The following SGCZ variants were observed in gnomAD, a reference collection of about 807,000 sequenced individuals.
The protein encoded by SGCZ is sarcoglycan zeta.
SGCZ carries 40 observed loss-of-function variants against 41.3 expected under a neutral mutation model. The ratio of observed to expected loss-of-function variants is 0.97; its 90% CI spans 0.75 to 1.26. SGCZ has a LOEUF of 1.26. SGCZ is among the 50% of genes most tolerant of loss of function. The pLI, the probability that SGCZ is intolerant of heterozygous loss-of-function variation, is 0.00. For synonymous variants in SGCZ, 206 were observed against 137.5 expected (o/e 1.50, Z -3.49); for missense variants, 552 against 369.8 (o/e 1.49, Z -4.04).
intron 1 of SGCZ, among the ~76,000 whole-genome samples, chr8:14,977,880 T>TACACAC (rs10562709): frequency 6.4e-4 from 96 of 149,638 alleles, no homozygotes; most frequent in South Asian, 2.1e-3. Context: ...AGAACAATTT[T>TACACAC]ACACACACAC....
intron 3 of SGCZ, among the ~76,000 whole-genome samples, chr8:14,310,069 C>T (rs1049754407): frequency 1.2e-4 from 18 of 152,106 alleles, no homozygotes; most frequent in African/African-American, 4.3e-4. Context: ...CCATTGTATG[C>T]AGGAGCATAT....
chr8:15,150,605 A>AAGTATGTTGG (rs1350549392), intron 1 of SGCZ, among the ~76,000 whole-genome samples: 1 of 152,194 alleles, frequency 6.6e-6, no homozygotes, highest in African/African-American at 2.4e-5. Context: ...TGAACTGAAC[A>AAGTATGTTGG]AGTATGTTGG....
intron 2 of SGCZ, among the ~76,000 whole-genome samples, chr8:14,483,266 T>C (rs936647601): frequency 1.3e-5 from 2 of 152,166 alleles, no homozygotes; most frequent in African/African-American, 4.8e-5. Context: ...CAGAAGGCAA[T>C]TGTAGAACAA....
At chr8:15,065,346 A>C (rs1008880334) in intron 1 of SGCZ, among the ~76,000 whole-genome samples, 5 of 151,976 alleles carry the variant, frequency 3.3e-5, no homozygotes, top group Non-Finnish European at 5.9e-5. Context: ...CCTCTGACCC[A>C]GGAGGCCTAG....
intron 1 of SGCZ, among the ~76,000 whole-genome samples, chr8:15,092,106 T>TA (rs1021546761): frequency 1.3e-5 from 2 of 152,216 alleles, no homozygotes; most frequent in African/African-American, 2.4e-5. Context: ...AACAGCTATA[T>TA]AAAAAAACAG....
chr8:14,747,313 G>A (rs961653805), intron 1 of SGCZ, among the ~76,000 whole-genome samples: 7 of 152,048 alleles, frequency 4.6e-5, no homozygotes, highest in African/African-American at 7.2e-5. Flanking sequence ...ACATCTAGCC[G>A]CCCTCAACAC....
chr8:14,407,508 T>C lies in SGCZ; in HGVS notation c.235-83304A>G, dbSNP rs571004158. ...TAGTTTCATAATCCTACCTATTATATGACATCTGTTTTAATTGTAAAAAAA... is the reference window on the plus strand; with the variant it reads ...TAGTTTCATAATCCTACCTATTATACGACATCTGTTTTAATTGTAAAAAAA... On this transcript the variant is annotated intron_variant, in intron 2 of 7. Transcript: ENST00000382080. 4.6e-5 allele frequency among the ~76,000 whole-genome samples: 7 copies of C among 152,252 alleles called. No individual in the cohort carries two copies. In the South Asian group the frequency reaches 1.2e-3, roughly 27 times the overall value.
intron 3 of SGCZ, among the ~76,000 whole-genome samples, chr8:14,304,102 G>T (rs911113949): frequency 3.9e-5 from 6 of 152,002 alleles, no homozygotes; most frequent in African/African-American, 1.2e-4. Flanking sequence ...AAGGAATGAT[G>T]AAATCATAAG....
intron 1 of SGCZ, among the ~76,000 whole-genome samples, chr8:14,574,487 A>G (rs1804650505): frequency 6.6e-6 from 1 of 152,236 alleles, no homozygotes; most frequent in South Asian, 2.1e-4. Flanking sequence ...GCCATGTACC[A>G]GGGAAGAAGA....
intron 5 of SGCZ, among the ~76,000 whole-genome samples, chr8:14,116,093 A>T (rs1802513437): frequency 6.6e-6 from 1 of 152,098 alleles, no homozygotes; most frequent in Non-Finnish European, 1.5e-5. Flanking sequence ...AATAAAAATC[A>T]GTAAAGAAAT....
At chr8:14,707,027 T>G in intron 1 of SGCZ, among the ~76,000 whole-genome samples, 1 of 151,914 alleles carries the variant, frequency 6.6e-6, no homozygotes, top group Non-Finnish European at 1.5e-5. Flanking sequence ...TTTAAAATCT[T>G]TTTTTTAAAA....
chr8:14,421,730 C>T (rs575007717), intron 2 of SGCZ, among the ~76,000 whole-genome samples: 64 of 152,148 alleles, frequency 4.2e-4, no homozygotes, highest in African/African-American at 1.4e-3. Flanking sequence ...TCATCCCAAG[C>T]GCTATCTTGT....
At chr8:15,045,731 A>T (rs1164155759) in intron 1 of SGCZ, among the ~76,000 whole-genome samples, 1 of 152,090 alleles carries the variant, frequency 6.6e-6, no homozygotes, top group East Asian at 1.9e-4. Flanking sequence ...AGAGTTGAAG[A>T]CCCTATCCAT....
At chr8:15,156,187 G>A (rs891095722) in intron 1 of SGCZ, among the ~76,000 whole-genome samples, 11 of 152,154 alleles carry the variant, frequency 7.2e-5, no homozygotes, top group African/African-American at 2.7e-4. Flanking sequence ...AGTTTTCAAG[G>A]AGACTCAATT....
intron 1 of SGCZ, among the ~76,000 whole-genome samples, chr8:14,725,332 T>C (rs547881353): frequency 6.6e-6 from 1 of 152,216 alleles, no homozygotes; most frequent in Non-Finnish European, 1.5e-5. Flanking sequence ...TTTATTTTCT[T>C]TCTTTGGATA....
At chr8:14,284,217 C>A (rs1800542518) in intron 3 of SGCZ, among the ~76,000 whole-genome samples, 1 of 152,134 alleles carries the variant, frequency 6.6e-6, no homozygotes, top group South Asian at 2.1e-4. Context: ...ATAGTGGAAC[C>A]CCACCTCTAC....
chr8:14,613,980 A>G (rs910702777), intron 1 of SGCZ, among the ~76,000 whole-genome samples: 4 of 152,196 alleles, frequency 2.6e-5, no homozygotes, highest in African/African-American at 9.6e-5. Flanking sequence ...ATTTTTTTAG[A>G]AATTAAATTC....
intron 3 of SGCZ, 119 bp from the exon 4 acceptor site, chr8:14,237,798 C>T: frequency 1.2e-6 from 1 of 815,084 alleles, no homozygotes; most frequent in Non-Finnish European, 1.9e-6. Flanking sequence ...CTATATTAGA[C>T]AGTTAATTTA....
chr8:14,487,199 T>C (rs1408541351), intron 2 of SGCZ, among the ~76,000 whole-genome samples: 1 of 152,192 alleles, frequency 6.6e-6, no homozygotes, highest in Non-Finnish European at 1.5e-5. Context: ...TTGACTTGTG[T>C]AGGGTCAGTT....
Sources: allele counts gnomAD v4.1 joint callset (sites outside exome capture counted in the v4.1 genomes callset), GRCh38; gene constraint gnomAD v4.1.1; transcripts MANE v1.5; gene names NCBI Gene and HGNC (gene_info 2026-07-23, HGNC 2026-07-21).